Variants in AMELY observed in about 807,000 individuals in gnomAD.
AMELY encodes amelogenin, Y isoform.
Under a neutral mutation model 4.2 loss-of-function variants are expected in AMELY, and 4 were observed. The observed-to-expected ratio is 0.96, with a 90% CI of 0.47 to 2.19. The LOEUF (loss-of-function observed/expected upper bound fraction) is 2.19. Among genes scored for constraint, AMELY ranks in the 30% most tolerant of loss-of-function variants. The probability of loss-of-function intolerance (pLI) is 0.02; values close to 1 mark genes in which losing one functional copy is unlikely to be tolerated. For synonymous variants in AMELY, 11 were observed against 14.7 expected, an observed-to-expected ratio of 0.75 and a Z score of 0.57; for missense variants, 32 against 41.5, an observed-to-expected ratio of 0.77 and a Z score of 0.63.
chrY:6,911,284 GA>G (rs2011690416), intron 1 of AMELY, among the ~76,000 whole-genome samples: 1 of 34,675 alleles, frequency 2.9e-5, no homozygotes, highest in Admixed American at 2.5e-4. Context: ...CTAAGTTTAG[GA>G]AAGTACTCGG....
chrY:6,869,125 C>G, intron 4 of AMELY, among the ~76,000 whole-genome samples: 1 of 33,770 alleles, frequency 3.0e-5, no homozygotes. Context: ...TCCATAGGTC[C>G]TGCTTTTCAT....
chrY:6,882,747 CA>C (rs2054075774), intron 1 of AMELY, among the ~76,000 whole-genome samples: 2 of 30,909 alleles, frequency 6.5e-5, no homozygotes, highest in Non-Finnish European at 1.6e-4. Context: ...AACAAATTTA[CA>C]AGAAAAAAAA....
chrY:6,873,904 A>T, intron 2 of AMELY, 68 bp downstream of exon 2: 2 of 33,480 alleles, frequency 6.0e-5, no homozygotes, highest in African/African-American at 2.3e-4. Flanking sequence ...ATTTGCATCT[A>T]TTAAATATGA....
chrY:6,908,514 C>G (rs1603023627), intron 1 of AMELY, among the ~76,000 whole-genome samples: 75 of 25,217 alleles, frequency 3.0e-3, no homozygotes, highest in Non-Finnish European at 5.9e-3. Context: ...ACATTTGTTG[C>G]AAACAGATTT....
chrY:6,867,270 T>C (rs2124079735), intron 6 of AMELY, among the ~76,000 whole-genome samples: 1 of 33,501 alleles, frequency 3.0e-5, no homozygotes, highest in South Asian at 6.8e-4. Context: ...ATATCATCAA[T>C]AGCTTGTATA....
intron 3 of AMELY, among the ~76,000 whole-genome samples, chrY:6,871,523 G>T: frequency 3.0e-5 from 1 of 32,855 alleles, no homozygotes; most frequent in Admixed American, 2.8e-4. Flanking sequence ...CCTTCAAGTG[G>T]TAACAGCAGT....
intron 1 of AMELY, among the ~76,000 whole-genome samples, chrY:6,883,297 A>C: frequency 9.1e-5 from 3 of 33,050 alleles, no homozygotes; most frequent in Non-Finnish European, 2.2e-4. Context: ...CCTTGGCAGG[A>C]ACATGATGAT....
intron 1 of AMELY, among the ~76,000 whole-genome samples, chrY:6,887,430 T>G: frequency 3.0e-5 from 1 of 33,815 alleles, no homozygotes; most frequent in African/African-American, 1.1e-4. Context: ...AATAGCAACA[T>G]TAAGGAGTGC....
At chrY:6,869,221 A>G (rs2054065602) in intron 4 of AMELY, among the ~76,000 whole-genome samples, 1 of 33,866 alleles carries the variant, frequency 3.0e-5, no homozygotes, top group Non-Finnish European at 7.3e-5. Flanking sequence ...ACAATGGGGA[A>G]AAAAGCGGTG....
intron 1 of AMELY, among the ~76,000 whole-genome samples, chrY:6,880,635 T>C: frequency 1.2e-4 from 4 of 33,419 alleles, no homozygotes; most frequent in Non-Finnish European, 2.2e-4. Context: ...CTAATAAAAT[T>C]AGGCTGTGAC....
chrY:6,894,164 C>T, intron 1 of AMELY, among the ~76,000 whole-genome samples: 1 of 33,269 alleles, frequency 3.0e-5, no homozygotes, highest in Non-Finnish European at 7.4e-5. Context: ...ACCCCAGCTG[C>T]AACGACATCT....
At chrY:6,895,376 A>G (rs771669558) in intron 1 of AMELY, among the ~76,000 whole-genome samples, 1 of 33,472 alleles carries the variant, frequency 3.0e-5, no homozygotes, top group South Asian at 7.1e-4. Flanking sequence ...CAAGACATCA[A>G]GGACTCCTTA....
At chrY:6,873,798 T>TA (rs752664891) in intron 2 of AMELY, among the ~76,000 whole-genome samples, 174 bp downstream of exon 2, 13 of 28,909 alleles carry the variant, frequency 4.5e-4, no homozygotes, top group South Asian at 7.8e-4. Flanking sequence ...CATTATAAAG[T>TA]AAAAAAAAAA....
intron 1 of AMELY, among the ~76,000 whole-genome samples, chrY:6,887,061 T>C (rs746906666): frequency 7.8e-4 from 26 of 33,544 alleles, no homozygotes; most frequent in African/African-American, 3.0e-3. Flanking sequence ...TGGCATAACA[T>C]ATTTAAAATA....
At chrY:6,884,396 T>C (rs986637734) in intron 1 of AMELY, among the ~76,000 whole-genome samples, 11 of 32,080 alleles carry the variant, frequency 3.4e-4, no homozygotes, top group Non-Finnish European at 6.8e-4. Flanking sequence ...AACCTACACG[T>C]TCTGCCCGTG....
At chrY:6,866,737 C>T in intron 6 of AMELY, among the ~76,000 whole-genome samples, 6 of 27,382 alleles carry the variant, frequency 2.2e-4, no homozygotes, top group African/African-American at 8.8e-4. Flanking sequence ...TCCACTTCCT[C>T]GGTTGAAACA....
At chrY:6,885,911 C>A in intron 1 of AMELY, among the ~76,000 whole-genome samples, 1 of 34,410 alleles carries the variant, frequency 2.9e-5, no homozygotes, top group Non-Finnish European at 7.3e-5. Context: ...AAGAAAACCA[C>A]CTATCAGGTA....
chrY:6,886,750 T>C (rs2054080353), intron 1 of AMELY, among the ~76,000 whole-genome samples: 3 of 33,483 alleles, frequency 9.0e-5, no homozygotes, highest in Admixed American at 2.8e-4. Flanking sequence ...CCATTAAGAA[T>C]ACAACCACTC....
intron 1 of AMELY, among the ~76,000 whole-genome samples, chrY:6,893,368 C>A: frequency 9.0e-5 from 3 of 33,400 alleles, no homozygotes; most frequent in Non-Finnish European, 1.5e-4. Flanking sequence ...AGTTCCCAAG[C>A]CTAGGCCAAG....
Sources: gnomAD v4.1 joint callset for allele counts (sites outside exome capture counted in the v4.1 genomes callset) on GRCh38, gnomAD v4.1.1 for gene constraint, MANE v1.5 for transcripts, NCBI Gene and HGNC (gene_info 2026-07-23, HGNC 2026-07-21) for gene names.